The following RTTN variants were observed in gnomAD, a reference collection of about 807,000 sequenced individuals.
RTTN encodes the protein rotatin.
Under a neutral mutation model 269.2 loss-of-function variants are expected in RTTN, and 182 were observed. The ratio of observed to expected loss-of-function variants is 0.68; its 90% confidence interval spans 0.60 to 0.76. The LOEUF (loss-of-function observed/expected upper bound fraction) is 0.76, where lower values mean the gene tolerates loss of function less well. Among genes scored for constraint, RTTN ranks in the 30% least tolerant of loss-of-function variants. The pLI is 0.00. For missense variants in RTTN, 2,545 were observed against 2,608.6 expected (o/e 0.98, Z 0.53); for synonymous variants, 1,006 against 963.5 (o/e 1.04, Z -0.82).
chr18:70,187,912 C>T (rs563849572), intron 10 of RTTN, among the ~76,000 whole-genome samples, 196 bp downstream of exon 10: 40 of 152,220 alleles, frequency 2.6e-4, no homozygotes, highest in African/African-American at 8.9e-4. Flanking sequence ...TCTTAATATA[C>T]GTTCCACTAT....
intron 26 of RTTN, among the ~76,000 whole-genome samples, chr18:70,117,220 T>C (rs989872249): frequency 6.6e-6 from 1 of 152,112 alleles, no homozygotes; most frequent in Non-Finnish European, 1.5e-5. Context: ...AACTTTTGTA[T>C]ATCTTTTCAT....
intron 31 of RTTN, among the ~76,000 whole-genome samples, 170 bp from the exon 32 acceptor site, chr18:70,086,854 T>G (rs1285643517): frequency 6.6e-6 from 1 of 152,096 alleles, no homozygotes; most frequent in Non-Finnish European, 1.5e-5. Flanking sequence ...TCAAACTGTA[T>G]TTCTTGTTAG....
chr18:70,200,123 T>C (rs1485728341), intron 4 of RTTN, among the ~76,000 whole-genome samples: 3 of 152,342 alleles, frequency 2.0e-5, no homozygotes, highest in South Asian at 2.1e-4. Flanking sequence ...CACTGAGAAA[T>C]AGCATCTACA....
At chr18:70,192,555 T>C (rs1484946907) in intron 8 of RTTN, among the ~76,000 whole-genome samples, 2 of 151,510 alleles carry the variant, frequency 1.3e-5, no homozygotes, top group Non-Finnish European at 1.5e-5. Context: ...GTAGTGCACA[T>C]CTGTGGTCCC....
intron 8 of RTTN, among the ~76,000 whole-genome samples, chr18:70,192,545 G>A (rs946290053): frequency 6.6e-6 from 1 of 151,968 alleles, no homozygotes; most frequent in Non-Finnish European, 1.5e-5. Flanking sequence ...GCCAAGTATG[G>A]TAGTGCACAT....
chr18:70,017,449 C>T lies in RTTN; in HGVS notation c.6379G>A (p.Val2127Ile). The change falls in exon 46 of 49, where the codon GTT (valine) becomes ATT (isoleucine). Residue 2127 changes from valine (V) to isoleucine (I), a missense_variant. Val to Ile is a conservative substitution (Grantham distance 29, BLOSUM62 3). Transcript: ENST00000640769. ...PLLPLLIFHN[V>I]CFSPANKPKI... ...GGTTTATTTGCAGGACTGAAGCAAA[C>T]ATTATGAAAGATAAGAAGAGGCAAT... is the stretch of plus-strand genomic sequence containing the variant. 6.2e-7 allele frequency: 1 copy of T among 1,613,976 alleles called. No individual in the cohort carries two copies. Among genetic ancestry groups the T allele is most frequent in the Admixed American group, 1.7e-5 (1 of 60,010 alleles).
Position 70,133,184 on chromosome 18 carries a change from G to T in RTTN, c.2954+1289C>A, listed in dbSNP as rs184702448. On this transcript the variant is annotated intron_variant, in intron 23 of 48. Coordinates refer to ENST00000640769, the MANE Select transcript of RTTN (RefSeq NM_173630.4). ...GGCTTCCAAGCCAAGACAGCTCCCA[G>T]CACCCACAAATGTGATCTCATTCTA... 1.1e-3 allele frequency among the ~76,000 whole-genome samples: 168 copies of T among 152,232 alleles called. 1 individual carries two copies. The highest frequency in any genetic ancestry group is 1.9e-3 in the Non-Finnish European group (132 of 68,014).
intron 11 of RTTN, among the ~76,000 whole-genome samples, chr18:70,173,511 A>AG (rs2061202192): frequency 6.6e-6 from 1 of 151,262 alleles, no homozygotes; most frequent in African/African-American, 2.4e-5. Flanking sequence ...AAAAAAAAAA[A>AG]GAAAATAGAG....
chr18:70,178,120 C>A (rs189284698), intron 10 of RTTN, among the ~76,000 whole-genome samples: 1 of 152,098 alleles, frequency 6.6e-6, no homozygotes, highest in Admixed American at 6.6e-5. Context: ...CGATGGCTCA[C>A]GCCTGTAATC....
In RTTN at chr18:70,190,663, T is replaced by C. The variant is rs763219689; in HGVS notation, c.1064A>G (p.Asp355Gly). Residue 355 changes from aspartate (D) to glycine (G), a missense_variant, in exon 9 of 49, where the codon GAT becomes GGT. By Grantham distance (94) the Asp-to-Gly change is moderately conservative. Coordinates refer to ENST00000640769, the MANE Select transcript of RTTN (RefSeq NM_173630.4). ...NSRISVHSPLDMGHIDLPELE... is the reference protein window; with the variant it reads ...NSRISVHSPLGMGHIDLPELE... ...CTCTGGCAGATCTATGTGTCCCATA[T>C]CCAAAGGTGAATGAACGGATATCCT... 1.2e-6 allele frequency: 2 copies of C among 1,613,544 alleles called. No homozygotes were observed. The highest frequency in any genetic ancestry group is 1.7e-6 in the Non-Finnish European group (2 of 1,179,492).
chr18:70,027,124 TG>T (rs2145568850), intron 43 of RTTN, among the ~76,000 whole-genome samples: 1 of 152,350 alleles, frequency 6.6e-6, no homozygotes, highest in South Asian at 2.1e-4. Flanking sequence ...ATCTCTTGTC[TG>T]GACTATGACA....
chr18:70,136,868 A>C (rs74354155), intron 21 of RTTN, among the ~76,000 whole-genome samples: 3,611 of 152,278 alleles, frequency 0.024, 54 homozygotes, highest in Middle Eastern at 0.048. Context: ...CCAGTAACAT[A>C]GCAAACTGAA....
At chr18:70,120,450 A>C (rs144535402) in intron 26 of RTTN, among the ~76,000 whole-genome samples, 3 of 152,236 alleles carry the variant, frequency 2.0e-5, no homozygotes, top group African/African-American at 7.2e-5. Context: ...CAACACAGTA[A>C]TTCATATTTT....
rs1555776912 is a variant in RTTN, at chr18:70,184,716, T to TTG, written c.1305+3390_1305+3391dup. ...AAACCACAGCAGGTTTTTTTTTTTT[T>TTG]TGTGTGTGTGTGTGTGTGTGTGTGT... On this transcript the variant is annotated intron_variant, in intron 10 of 48. Transcript: ENST00000640769. Among the ~76,000 whole-genome samples, 101 of 33,306 alleles carry TTG rather than the reference T, an allele frequency of 3.0e-3. 2 individuals carry two copies. Among genetic ancestry groups the TTG allele is most frequent in the South Asian group, 8.3e-3 (5 of 604 alleles). The allele number at this position is 33,306 out of a possible 152,430, so 21.9% of individuals were successfully genotyped here.
intron 32 of RTTN, among the ~76,000 whole-genome samples, chr18:70,078,470 G>T (rs2058482295): frequency 6.6e-6 from 1 of 151,852 alleles, no homozygotes; most frequent in Non-Finnish European, 1.5e-5. Flanking sequence ...AAAAACTTTA[G>T]ACATGAGACA....
intron 11 of RTTN, among the ~76,000 whole-genome samples, chr18:70,175,999 G>A (rs2061283020): frequency 6.6e-6 from 1 of 152,030 alleles, no homozygotes; most frequent in Non-Finnish European, 1.5e-5. Context: ...ACACTGCAGA[G>A]ATAAGATCAG....
intron 38 of RTTN, among the ~76,000 whole-genome samples, chr18:70,053,771 G>T (rs8095658): frequency 0.81 from 122,724 of 152,228 alleles, 53,895 homozygotes; most frequent in East Asian, 1. Flanking sequence ...TAGGAAATTT[G>T]TGATATATTC....
intron 26 of RTTN, among the ~76,000 whole-genome samples, chr18:70,120,407 C>A (rs2059706284): frequency 6.6e-6 from 1 of 152,116 alleles, no homozygotes; most frequent in South Asian, 2.1e-4. Flanking sequence ...GTTTTATATA[C>A]ACACAAACAT....
At chr18:70,061,408 G>A (rs1309816171) in intron 35 of RTTN, 1 of 456,168 alleles carries the variant, frequency 2.2e-6, no homozygotes. Context: ...TCCCTAAAGT[G>A]GAGAATGGAG....
Sources: allele counts gnomAD v4.1 joint callset (sites outside exome capture counted in the v4.1 genomes callset), GRCh38; gene constraint gnomAD v4.1.1; transcripts MANE v1.5; gene names NCBI Gene and HGNC (gene_info 2026-07-23, HGNC 2026-07-21).